The following GALNT13 variants were observed in gnomAD, a reference collection of about 807,000 sequenced individuals.
GALNT13 encodes the protein UDP-GalNAc:polypeptide N-acetylgalactosaminyltransferase 13.
GALNT13 carries 28 observed loss-of-function variants against 64.2 expected under a neutral mutation model. The observed-to-expected ratio is 0.44, with a 90% confidence interval of 0.32 to 0.60. The LOEUF (loss-of-function observed/expected upper bound fraction) is 0.60. GALNT13 is among the 20% of genes least tolerant of loss of function. GALNT13 has a pLI of 0.05. For missense variants in GALNT13, 577 were observed against 669.8 expected, an observed-to-expected ratio of 0.86 and a Z score of 1.53; for synonymous variants, 214 against 224.6, an observed-to-expected ratio of 0.95 and a Z score of 0.42.
At chr2:153,114,693 T>C in the GALNT13 span, among the ~76,000 whole-genome samples, 5 of 152,220 alleles carry the variant, frequency 3.3e-5, no homozygotes, top group East Asian at 9.7e-4. Flanking sequence ...TGGAAAGATG[T>C]AGCAAAGATA....
chr2:153,461,299 G>A, the GALNT13 span, among the ~76,000 whole-genome samples: 1 of 152,026 alleles, frequency 6.6e-6, no homozygotes, highest in African/African-American at 2.4e-5. Context: ...AAATTTGGGA[G>A]AACACATGAA....
At chr2:153,131,336 C>G in the GALNT13 span, among the ~76,000 whole-genome samples, 2 of 152,112 alleles carry the variant, frequency 1.3e-5, no homozygotes, top group Non-Finnish European at 2.9e-5. Flanking sequence ...ATGTTTGGTA[C>G]CTAACGGAAG....
the GALNT13 span, among the ~76,000 whole-genome samples, chr2:153,685,656 C>T: frequency 6.6e-6 from 1 of 151,966 alleles, no homozygotes; most frequent in Non-Finnish European, 1.5e-5. Flanking sequence ...TGTGCAGAAG[C>T]TCTTCAGTTT....
intron 4 of GALNT13, among the ~76,000 whole-genome samples, chr2:154,159,059 T>C (rs1484346335): frequency 6.6e-6 from 1 of 152,016 alleles, no homozygotes; most frequent in Admixed American, 6.5e-5. Flanking sequence ...AAATAAAACA[T>C]ATTTCTTTTC....
At chr2:154,289,444 G>A (rs956487214) in intron 8 of GALNT13, among the ~76,000 whole-genome samples, 1 of 152,204 alleles carries the variant, frequency 6.6e-6, no homozygotes, top group Non-Finnish European at 1.5e-5. Context: ...CTCACAAAAT[G>A]GCAGAAGGCA....
intron 9 of GALNT13, among the ~76,000 whole-genome samples, chr2:154,316,196 GTGT>G (rs1162634502): frequency 2.0e-5 from 3 of 152,176 alleles, no homozygotes; most frequent in South Asian, 2.1e-4. Context: ...TTACTGAAAG[GTGT>G]TGTGTCAGAA....
chr2:154,148,977 G>C (rs552173075), intron 4 of GALNT13, among the ~76,000 whole-genome samples: 112 of 152,246 alleles, frequency 7.4e-4, no homozygotes, highest in South Asian at 2.3e-3. Flanking sequence ...ATTGCTTTTG[G>C]TGTTTTAGAC....
chr2:153,733,556 CA>C, the GALNT13 span, among the ~76,000 whole-genome samples: 259 of 152,294 alleles, frequency 1.7e-3, 2 homozygotes, highest in African/African-American at 6.0e-3. Context: ...TGCCATGTTT[CA>C]TGATGAACTC....
At chr2:153,380,344 C>A in the GALNT13 span, among the ~76,000 whole-genome samples, 1 of 152,084 alleles carries the variant, frequency 6.6e-6, no homozygotes, top group Admixed American at 6.6e-5. Context: ...CATGGTGATG[C>A]ATGCTTGTAG....
chr2:153,198,335 A>G, the GALNT13 span, among the ~76,000 whole-genome samples: 13 of 152,170 alleles, frequency 8.5e-5, no homozygotes, highest in South Asian at 2.7e-3. Flanking sequence ...TTCCATGACT[A>G]GAATTACAGG....
the GALNT13 span, among the ~76,000 whole-genome samples, chr2:153,560,156 T>G: frequency 1.2e-4 from 19 of 152,018 alleles, no homozygotes; most frequent in Non-Finnish European, 2.9e-5. Flanking sequence ...ACTGTCCCTT[T>G]AGTGGGAAAT....
chr2:154,287,619 C>T (rs1057077399), intron 8 of GALNT13, among the ~76,000 whole-genome samples: 23 of 151,824 alleles, frequency 1.5e-4, no homozygotes, highest in African/African-American at 4.8e-4. Flanking sequence ...TATTCTTCAG[C>T]TCAATAATTC....
chr2:154,236,323 C>A (rs754116281), intron 4 of GALNT13: 1 of 261,390 alleles, frequency 3.8e-6, no homozygotes, highest in Non-Finnish European at 6.1e-6. Context: ...AGTAACCATT[C>A]TCAACTTTGG....
At chr2:153,868,130 T>C (rs1241004948), upstream of GALNT13, among the ~76,000 whole-genome samples, 4 of 152,198 alleles carry the variant, frequency 2.6e-5, no homozygotes, top group African/African-American at 9.6e-5. Context: ...ACTGGGAATA[T>C]AGCAGTGAGC....
the GALNT13 span, among the ~76,000 whole-genome samples, chr2:153,702,256 A>C: frequency 6.6e-6 from 1 of 152,196 alleles, no homozygotes. Context: ...CAGAAAACCA[A>C]ACACCACATA....
chr2:153,828,820 C>G, the GALNT13 span, among the ~76,000 whole-genome samples: 1 of 152,160 alleles, frequency 6.6e-6, no homozygotes, highest in Non-Finnish European at 1.5e-5. Context: ...TTATGCTCTG[C>G]TTCACTTATA....
chr2:153,656,256 T>A, the GALNT13 span, among the ~76,000 whole-genome samples: 1 of 152,126 alleles, frequency 6.6e-6, no homozygotes, highest in East Asian at 1.9e-4. Context: ...ACTATGGTGA[T>A]TATCCCAGTG....
chr2:154,179,237 G>A (rs1426664818), intron 4 of GALNT13, among the ~76,000 whole-genome samples: 3 of 152,064 alleles, frequency 2.0e-5, no homozygotes, highest in Non-Finnish European at 4.4e-5. Flanking sequence ...AATTTTACCT[G>A]TCAGTTTCCC....
At chr2:153,365,045 T>C in the GALNT13 span, among the ~76,000 whole-genome samples, 2 of 152,070 alleles carry the variant, frequency 1.3e-5, no homozygotes, top group African/African-American at 2.4e-5. Context: ...AAAACAGACA[T>C]ATAGATCAAT....
Sources: allele counts gnomAD v4.1 joint callset (sites outside exome capture counted in the v4.1 genomes callset), GRCh38; gene constraint gnomAD v4.1.1; transcripts MANE v1.5; gene names NCBI Gene and HGNC (gene_info 2026-07-23, HGNC 2026-07-21).